Variants in TBL1X observed in about 807,000 individuals in gnomAD.
TBL1X encodes F-box-like/WD repeat-containing protein TBL1X.
TBL1X carries 10 observed loss-of-function variants against 50.7 expected under a neutral mutation model. The ratio of observed to expected loss-of-function variants is 0.20; its 90% CI spans 0.12 to 0.33. The LOEUF (loss-of-function observed/expected upper bound fraction) is 0.33. Among genes scored for constraint, TBL1X ranks in the 10% least tolerant of loss-of-function variants. The pLI, the probability that TBL1X is intolerant of heterozygous loss-of-function variation, is 1.00. For synonymous variants in TBL1X, 190 were observed against 214.7 expected (o/e 0.88, Z 1.01); for missense variants, 340 against 504.4 (o/e 0.67, Z 3.12).
rs758871955 is a variant in TBL1X at position 9,629,852 on chromosome X, G to A, written c.-130-10421G>A. Among the ~76,000 whole-genome samples the A allele has an allele frequency of 5.4e-5, 6 of 110,765 alleles. No individual in the cohort carries two copies. In the South Asian group the frequency reaches 1.2e-3, roughly 21 times the overall value. On this transcript the variant is annotated intron_variant, in intron 2 of 17. Transcript: ENST00000645353. Reference sequence around the variant, plus strand: ...ATGGGAAGTGAGTGTGGAATACTTCGGGATCGCTGATCGCCGGTTGTATGG... The same window carrying A: ...ATGGGAAGTGAGTGTGGAATACTTCAGGATCGCTGATCGCCGGTTGTATGG...
chrX:9,558,770 AC>A (rs1454779626), intron 2 of TBL1X, among the ~76,000 whole-genome samples: 1 of 110,960 alleles, frequency 9.0e-6, no homozygotes, highest in East Asian at 2.8e-4. Flanking sequence ...TCCCCAGGAG[AC>A]CAGCAGCCCA....
At chrX:9,531,726 G>T (rs1363617394) in intron 2 of TBL1X, among the ~76,000 whole-genome samples, 1 of 107,185 alleles carries the variant, frequency 9.3e-6, no homozygotes, top group Non-Finnish European at 1.9e-5. Flanking sequence ...GCAACATAAT[G>T]AGAGGCTCTT....
At chrX:9,705,444 GA>G (rs771823883) in intron 13 of TBL1X, among the ~76,000 whole-genome samples, 12 of 110,137 alleles carry the variant, frequency 1.1e-4, no homozygotes, top group African/African-American at 2.3e-4. Flanking sequence ...GCAGTGAATA[GA>G]AAAAAAAATC....
rs1367530479 is a variant in TBL1X, at chrX:9,692,290, G to A, written c.891+36G>A. The A allele has an allele frequency of 3.5e-6, 4 of 1,143,063 alleles. No homozygotes were observed. In the Admixed American group the frequency reaches 1.2e-4, roughly 34 times the overall value. The allele number at this position is 1,143,063 out of a possible 1,213,427, so 94.2% of individuals were successfully genotyped here. A position where few individuals can be genotyped will look rare whatever the true frequency, so the allele number is the denominator to read the frequency against. The stretch of plus-strand genomic sequence containing the variant: ...TCCACCCCCTGGGCACTTTGAAATT[G>A]GTAAAATCGGCCAGCCACCAGGCAG... On this transcript the variant is annotated intron_variant, in intron 9 of 17. Coordinates refer to ENST00000645353, the MANE Select transcript of TBL1X (RefSeq NM_005647.4).
In TBL1X at chrX:9,579,449, A is replaced by G. The variant is rs144348654; in HGVS notation, c.-130-60824A>G. 4.9e-4 allele frequency among the ~76,000 whole-genome samples: 55 copies of G among 112,144 alleles called. 1 individual carries two copies. In the East Asian group the frequency reaches 0.015, roughly 30 times the overall value. ...CCTTACTGATAGAGTTGGAAATTGG[A>G]ACCAAAGTAATTAGATTGGCTCTCC... On this transcript the variant is annotated intron_variant, in intron 2 of 17. Transcript: ENST00000645353.
chrX:9,523,396 C>T (rs768022796), intron 2 of TBL1X, among the ~76,000 whole-genome samples: 1 of 111,859 alleles, frequency 8.9e-6, no homozygotes, highest in Non-Finnish European at 1.9e-5. Flanking sequence ...CCCTGGGCAG[C>T]ATTACCCACA....
Position 9,471,630 on chromosome X carries a change from G to A in TBL1X, c.-201+6183G>A, listed in dbSNP as rs181400156. Among the ~76,000 whole-genome samples the A allele has an allele frequency of 6.3e-5, 7 of 111,968 alleles. No individual in the cohort carries two copies. In the East Asian group the frequency reaches 1.7e-3, roughly 27 times the overall value. On this transcript the variant is annotated intron_variant, in intron 1 of 17. Coordinates refer to ENST00000645353, the MANE Select transcript of TBL1X (RefSeq NM_005647.4). ...GCATTTTAGTTCAGAAACCCACAGC[G>A]AGTCAGAAGGCGCTTTGTGCTGCTG...
intron 1 of TBL1X, among the ~76,000 whole-genome samples, chrX:9,466,906 G>A (rs760250825): frequency 2.1e-4 from 23 of 111,878 alleles, no homozygotes; most frequent in Non-Finnish European, 3.2e-4. Flanking sequence ...CTGGATCACC[G>A]GCCCTTAAGG....
intron 5 of TBL1X, among the ~76,000 whole-genome samples, chrX:9,658,009 G>A (rs1041195970): frequency 1.1e-4 from 12 of 111,267 alleles, no homozygotes; most frequent in African/African-American, 3.3e-4. Context: ...AGGTTTTCCC[G>A]TGCTGTTCTC....
At chrX:9,711,540 G>C in intron 15 of TBL1X, 71 bp from the exon 16 acceptor site, 1 of 983,390 alleles carries the variant, frequency 1.0e-6, no homozygotes, top group Non-Finnish European at 1.3e-6. Flanking sequence ...CTGGAGATCT[G>C]ATACACATTA....
At chrX:9,573,105 A>G (rs1489308505) in intron 2 of TBL1X, among the ~76,000 whole-genome samples, 3 of 113,107 alleles carry the variant, frequency 2.7e-5, no homozygotes, top group African/African-American at 6.4e-5. Flanking sequence ...TTGTAAAGCA[A>G]ATCATCACAG....
chrX:9,696,072 T>C (rs2083129692), intron 11 of TBL1X, among the ~76,000 whole-genome samples: 7 of 112,624 alleles, frequency 6.2e-5, no homozygotes. Context: ...GACTAAAATA[T>C]ATGTCACATT....
intron 2 of TBL1X, among the ~76,000 whole-genome samples, chrX:9,534,740 C>A (rs968451390): frequency 9.0e-6 from 1 of 111,174 alleles, no homozygotes; most frequent in Non-Finnish European, 1.9e-5. Context: ...TTTACAAATT[C>A]TGGTTAAAAA....
intron 2 of TBL1X, among the ~76,000 whole-genome samples, chrX:9,631,711 A>G (rs1220291572): frequency 2.7e-5 from 3 of 113,040 alleles, no homozygotes; most frequent in African/African-American, 9.6e-5. Context: ...CGTTGTTATT[A>G]ATTTTGTACT....
intron 2 of TBL1X, among the ~76,000 whole-genome samples, chrX:9,633,254 T>A (rs781249529): frequency 8.9e-6 from 1 of 112,240 alleles, no homozygotes; most frequent in East Asian, 2.8e-4. Flanking sequence ...ATAGAACCTT[T>A]TTTTATGTCA....
At chrX:9,667,471 T>C (rs1456142776) in intron 5 of TBL1X, among the ~76,000 whole-genome samples, 1 of 112,194 alleles carries the variant, frequency 8.9e-6, no homozygotes, top group Admixed American at 9.5e-5. Context: ...ATTAATCAGC[T>C]GTTTAACAGA....
At position 9,609,517 on chromosome X, in the gene TBL1X, A is replaced by G. The variant is rs933501226; in HGVS notation, c.-130-30756A>G. Among the ~76,000 whole-genome samples, 7 of 110,770 alleles carry G rather than the reference A, an allele frequency of 6.3e-5. No homozygotes were observed. In the East Asian group the frequency reaches 1.7e-3, roughly 27 times the overall value. On this transcript the variant is annotated intron_variant, in intron 2 of 17. Transcript: ENST00000645353. ...TTTGATCATCCAGCAACATCGATTG[A>G]AAATGTTTGTATGCATCTCTTTCAT...
intron 5 of TBL1X, among the ~76,000 whole-genome samples, chrX:9,669,067 A>G (rs1297562922): frequency 8.9e-6 from 1 of 112,116 alleles, no homozygotes; most frequent in East Asian, 2.8e-4. Context: ...TCAAAAAACT[A>G]TAAACTTCTT....
At chrX:9,690,316 C>G (rs1370048698) in intron 7 of TBL1X, among the ~76,000 whole-genome samples, 1 of 112,228 alleles carries the variant, frequency 8.9e-6, no homozygotes, top group African/African-American at 3.2e-5. Context: ...AGAATTTGCT[C>G]TCACAGTTCT....
Sources: gnomAD v4.1 joint callset for allele counts (sites outside exome capture counted in the v4.1 genomes callset) on GRCh38, gnomAD v4.1.1 for gene constraint, MANE v1.5 for transcripts, NCBI Gene and HGNC (gene_info 2026-07-23, HGNC 2026-07-21) for gene names.